NPM2: variants seen among roughly 807,000 people sequenced by gnomAD.
NPM2 encodes nucleoplasmin-2.
In NPM2, 25 loss-of-function variants were observed where a neutral mutation model predicts 32.0. That is an observed-to-expected ratio of 0.78 (90% CI 0.57 to 1.09). The LOEUF (loss-of-function observed/expected upper bound fraction) is 1.09, where lower values mean the gene tolerates loss of function less well. Among genes scored for constraint, NPM2 ranks in the 50% least tolerant of loss-of-function variants. NPM2 has a pLI of 0.00. For synonymous variants in NPM2, 111 were observed against 94.2 expected (o/e 1.18, Z -1.04); for missense variants, 282 against 259.9 (o/e 1.08, Z -0.58).
At chr8:22,036,324 G>C (rs1426403551) in intron 8 of NPM2, 169 bp from the exon 9 acceptor site, 2 of 595,554 alleles carry the variant, frequency 3.4e-6, no homozygotes, top group African/African-American at 1.9e-5. Flanking sequence ...ATATGCGTAT[G>C]CATGCACACG....
At chr8:22,032,887 A>T (rs1800485347) in intron 5 of NPM2, among the ~76,000 whole-genome samples, 1 of 152,020 alleles carries the variant, frequency 6.6e-6, no homozygotes, top group Non-Finnish European at 1.5e-5. Flanking sequence ...AATGGCCATA[A>T]TTTAGCCCAT....
At chr8:22,033,298 A>G in intron 6 of NPM2, 75 bp downstream of exon 6, 1 of 1,111,174 alleles carries the variant, frequency 9.0e-7, no homozygotes, top group South Asian at 1.2e-5. Flanking sequence ...CTAGCTACTC[A>G]AACACTGGAG....
chr8:22,030,665 T>C (rs1408743367), intron 5 of NPM2, among the ~76,000 whole-genome samples: 2 of 152,062 alleles, frequency 1.3e-5, no homozygotes, highest in African/African-American at 4.8e-5. Flanking sequence ...CATATATATA[T>C]ATATGTACAT....
rs1441440504 is a variant in NPM2 at position 22,024,550 on chromosome 8, C to G, written c.-214C>G. The G allele has an allele frequency of 6.6e-6, 1 of 152,356 alleles. No homozygotes were observed. Among genetic ancestry groups the G allele is most frequent in the Non-Finnish European group, 1.5e-5 (1 of 68,154 alleles). 9.4% of individuals were successfully genotyped at this position (152,356 alleles called of 1,614,324 possible). A position where few individuals can be genotyped will look rare whatever the true frequency, so the allele number is the denominator to read the frequency against. ...AACTGGTTAGAACTACAAATTCCCT[C>G]GGCCCCACCCAGACCGACGCCAAGG... On this transcript the variant is annotated 5_prime_UTR_variant, in exon 1 of 10. Coordinates refer to ENST00000518119, the MANE Select transcript of NPM2 (RefSeq NM_001286680.2).
At chr8:22,025,819 C>CACCCTT in intron 5 of NPM2, 47 bp downstream of exon 5, 1 of 1,612,050 alleles carries the variant, frequency 6.2e-7, no homozygotes, top group Middle Eastern at 1.7e-4. Flanking sequence ...GCCTCACCCT[C>CACCCTT]ACCCTTGGGT....
chr8:22,036,695 T>TG lies in NPM2; in HGVS notation c.*19dup, dbSNP rs1300997963. 36 of 1,544,574 alleles carry TG rather than the reference T, an allele frequency of 2.3e-5. No individual in the cohort carries two copies. Among genetic ancestry groups the TG allele is most frequent in the Non-Finnish European group, 6.1e-6 (7 of 1,145,544 alleles). On this transcript the variant is annotated 3_prime_UTR_variant, in exon 10 of 10. Transcript: ENST00000518119. Reference sequence around the variant, plus strand: ...ATTCAAGAAATGAGGAGCCACGCCTTGGGGGGCACGGTGCAAAGTGGGCCT... The same window carrying TG: ...ATTCAAGAAATGAGGAGCCACGCCTTGGGGGGGCACGGTGCAAAGTGGGCCT...
Position 22,032,104 on chromosome 8 carries a change from G to T in NPM2, c.271-1026G>T, listed in dbSNP as rs916499059. 3.3e-5 allele frequency among the ~76,000 whole-genome samples: 5 copies of T among 152,226 alleles called. No homozygotes were observed. The South Asian group carries it at 1.0e-3, about 32-fold the overall frequency. On this transcript the variant is annotated intron_variant, in intron 5 of 9. Transcript: ENST00000518119. ...GTAAAGTATCAGTACTTACATCATG[G>T]GTTTCTTGTGAGGATTTAATGAGAT...
intron 5 of NPM2, among the ~76,000 whole-genome samples, chr8:22,028,689 C>T (rs763308216): frequency 1.3e-5 from 2 of 152,122 alleles, no homozygotes; most frequent in African/African-American, 2.4e-5. Flanking sequence ...ATAGTTAGGT[C>T]ATGGCTCTCT....
chr8:22,031,701 C>T (rs1303531584), intron 5 of NPM2, among the ~76,000 whole-genome samples: 1 of 152,220 alleles, frequency 6.6e-6, no homozygotes, highest in African/African-American at 2.4e-5. Context: ...CTGCCTTGGC[C>T]TCCCAAAGTG....
At chr8:22,025,123 C>A (rs981409243) in intron 2 of NPM2, 93 bp from the exon 3 acceptor site, 2 of 1,105,804 alleles carry the variant, frequency 1.8e-6, no homozygotes, top group Non-Finnish European at 1.3e-6. Context: ...CGAGCGACCC[C>A]TCAGTACCTG....
At chr8:22,028,419 C>T (rs1045609109) in intron 5 of NPM2, among the ~76,000 whole-genome samples, 5 of 134,570 alleles carry the variant, frequency 3.7e-5, no homozygotes, top group East Asian at 2.2e-4. Context: ...GGCTTAATCT[C>T]GGCTCACTGC....
rs1341356544 is a variant in NPM2 at position 22,024,338 on chromosome 8, C to CA, written c.-424dup. ...CATGGGGAAAGGAAAGGAAGAAAGG[C>CA]AACGAACAAGAAGGAGGGCTTCCAA... On this transcript the variant is annotated 5_prime_UTR_variant, in exon 1 of 10. An upstream open reading frame in the 5' UTR gains an earlier in-frame stop. Coordinates refer to ENST00000518119, the MANE Select transcript of NPM2 (RefSeq NM_001286680.2). The CA allele has an allele frequency of 6.6e-6, 1 of 152,434 alleles. No individual in the cohort carries two copies. The highest frequency in any genetic ancestry group is 1.5e-5 in the Non-Finnish European group (1 of 68,214). 9.4% of individuals were successfully genotyped at this position (152,434 alleles called of 1,614,324 possible).
chr8:22,025,963 A>G (rs1172854187), intron 5 of NPM2, among the ~76,000 whole-genome samples, 191 bp downstream of exon 5: 1 of 152,062 alleles, frequency 6.6e-6, no homozygotes, highest in Admixed American at 6.5e-5. Context: ...TGGGCCAGTT[A>G]AGCTGTCTGC....
At chr8:22,036,370 C>T in intron 8 of NPM2, 123 bp from the exon 9 acceptor site, 2 of 898,170 alleles carry the variant, frequency 2.2e-6, no homozygotes, top group Non-Finnish European at 3.4e-6. Flanking sequence ...TCCGAGTGGT[C>T]CCCAGGAGGA....
At chr8:22,027,285 G>A (rs1369317992) in intron 5 of NPM2, among the ~76,000 whole-genome samples, 2 of 152,048 alleles carry the variant, frequency 1.3e-5, no homozygotes, top group Non-Finnish European at 1.5e-5. Context: ...TGGAGGTTTG[G>A]GAGACCCCTC....
chr8:22,034,928 T>C lies in NPM2; in HGVS notation c.566+384T>C, dbSNP rs192805064. Among the ~76,000 whole-genome samples the C allele has an allele frequency of 3.9e-3, 595 of 152,204 alleles. 4 individuals carry two copies. The highest frequency in any genetic ancestry group is 6.8e-3 in the Non-Finnish European group (462 of 68,002). On this transcript the variant is annotated intron_variant, in intron 8 of 9. Transcript: ENST00000518119. ...CTCGAGACTAGCCTGGTCAACATGATGAAACCCTGTCTCTACTAAAAACAC... is the reference window on the plus strand; with the variant it reads ...CTCGAGACTAGCCTGGTCAACATGACGAAACCCTGTCTCTACTAAAAACAC...
chr8:22,026,110 A>G (rs1346406287), intron 5 of NPM2, among the ~76,000 whole-genome samples: 1 of 152,180 alleles, frequency 6.6e-6, no homozygotes, highest in Non-Finnish European at 1.5e-5. Flanking sequence ...CTCCCGTCAG[A>G]TCAGAGCGGC....
At chr8:22,036,333 C>T (rs180950505) in intron 8 of NPM2, 160 bp from the exon 9 acceptor site, 47 of 622,410 alleles carry the variant, frequency 7.6e-5, no homozygotes, top group East Asian at 6.4e-4. Context: ...TGCATGCACA[C>T]GCACACACAT....
intron 5 of NPM2, among the ~76,000 whole-genome samples, chr8:22,029,310 A>C (rs1384499237): frequency 6.6e-6 from 1 of 151,890 alleles, no homozygotes; most frequent in Non-Finnish European, 1.5e-5. Flanking sequence ...TGCCCAGCTA[A>C]TTTTTGTATT....
Sources: allele counts gnomAD v4.1 joint callset (sites outside exome capture counted in the v4.1 genomes callset), GRCh38; gene constraint gnomAD v4.1.1; transcripts MANE v1.5; gene names NCBI Gene and HGNC (gene_info 2026-07-23, HGNC 2026-07-21).